The following TBC1D20 variants were observed in gnomAD, a reference collection of about 807,000 sequenced individuals.
The protein encoded by TBC1D20 is chromosome 20 open reading frame 140.
Under a neutral mutation model 41.6 loss-of-function variants are expected in TBC1D20, and 12 were observed. That is an observed-to-expected ratio of 0.29 (90% CI 0.18 to 0.47). The LOEUF (loss-of-function observed/expected upper bound fraction) is 0.47, where lower values mean the gene tolerates loss of function less well. Ranked by LOEUF, TBC1D20 falls within the 20% of genes least tolerant of loss-of-function variation. TBC1D20 has a pLI of 1.00. For synonymous variants in TBC1D20, 205 were observed against 204.8 expected, an observed-to-expected ratio of 1.00 and a Z score of -0.01; for missense variants, 421 against 517.4, an observed-to-expected ratio of 0.81 and a Z score of 1.81.
chr20:443,374 G>A (rs1309829557), intron 3 of TBC1D20, among the ~76,000 whole-genome samples: 1 of 152,182 alleles, frequency 6.6e-6, no homozygotes, highest in Non-Finnish European at 1.5e-5. Flanking sequence ...TGGAGCTAGT[G>A]CTGCCAGCAG....
At chr20:451,955 TTTTTAAA>T (rs2017449920) in intron 1 of TBC1D20, among the ~76,000 whole-genome samples, 1 of 152,246 alleles carries the variant, frequency 6.6e-6, no homozygotes, top group South Asian at 2.1e-4. Flanking sequence ...TTCCTGTTCA[TTTTTAAA>T]TTTTATTTTT....
In TBC1D20 at chr20:437,212, ACCCTG is replaced by A. The variant is rs2017136511; in HGVS notation, c.*1369_*1373del. 1.3e-5 allele frequency: 2 copies of A among 152,652 alleles called. No individual in the cohort carries two copies. Among genetic ancestry groups the A allele is most frequent in the South Asian group, 4.1e-4 (2 of 4,826 alleles). 9.5% of individuals were successfully genotyped at this position (152,652 alleles called of 1,614,324 possible). ...TGCTCTGGCACGTGGGACACCCTCC[ACCCTG>A]CACACAACAGGCATGCAAAGAGGAC... On this transcript the variant is annotated 3_prime_UTR_variant, in exon 8 of 8. Transcript: ENST00000354200.
chr20:462,467 G>C lies in TBC1D20; in HGVS notation c.-62C>G, dbSNP rs1199124489. 2 of 1,024,220 alleles carry C rather than the reference G, an allele frequency of 2.0e-6. No homozygotes were observed. The highest frequency in any genetic ancestry group is 9.1e-5 in the East Asian group (2 of 22,010). 63.4% of individuals were successfully genotyped at this position (1,024,220 alleles called of 1,614,324 possible). A position where few individuals can be genotyped will look rare whatever the true frequency, so the allele number is the denominator to read the frequency against. ...GGTGGCGGAGCCGGGAGAAGACGCG[G>C]CTCCGACCGCGGGACGTAGCACCCG... On this transcript the variant is annotated 5_prime_UTR_variant, in exon 1 of 8. Coordinates refer to ENST00000354200, the MANE Select transcript of TBC1D20 (RefSeq NM_144628.4).
At chr20:441,202 G>C in intron 5 of TBC1D20, 1 of 172,708 alleles carries the variant, frequency 5.8e-6, no homozygotes, top group Non-Finnish European at 1.2e-5. Context: ...CATGGGATTT[G>C]CAAAAAAATA....
intron 2 of TBC1D20, among the ~76,000 whole-genome samples, chr20:446,528 AT>A (rs1301738818): frequency 1.3e-5 from 2 of 152,012 alleles, no homozygotes; most frequent in African/African-American, 2.4e-5. Context: ...TTTAGTAGAG[AT>A]GGGGTTTCAC....
intron 1 of TBC1D20, among the ~76,000 whole-genome samples, chr20:455,969 A>G (rs1284562247): frequency 6.6e-6 from 1 of 150,884 alleles, no homozygotes; most frequent in Non-Finnish European, 1.5e-5. Context: ...AATATAATAA[A>G]ATAAAAACCA....
rs555485410 is a variant in TBC1D20 at position 453,640 on chromosome 20, G to C, written c.71-5566C>G. Among the ~76,000 whole-genome samples, 5 of 131,574 alleles carry C rather than the reference G, an allele frequency of 3.8e-5. No individual in the cohort carries two copies. In the East Asian group the frequency reaches 8.8e-4, roughly 23 times the overall value. The allele number at this position is 131,574 out of a possible 152,430, so 86.3% of individuals were successfully genotyped here. A position where few individuals can be genotyped will look rare whatever the true frequency, so the allele number is the denominator to read the frequency against. On this transcript the variant is annotated intron_variant, in intron 1 of 7. Transcript: ENST00000354200. ...GGCTTACTGCAACCTCCACCTCCCA[G>C]GTTCAAGTGATTCTCCTGCCTCAGT...
intron 2 of TBC1D20, among the ~76,000 whole-genome samples, chr20:445,380 A>G (rs1443620860): frequency 6.6e-6 from 1 of 152,202 alleles, no homozygotes; most frequent in Non-Finnish European, 1.5e-5. Flanking sequence ...CAGGGTGGGA[A>G]GGAGAGCAAA....
intron 1 of TBC1D20, among the ~76,000 whole-genome samples, chr20:449,040 G>A (rs368741367): frequency 8.7e-5 from 13 of 149,994 alleles, no homozygotes; most frequent in South Asian, 6.3e-4. Context: ...CAGAGATAGC[G>A]TTCACAACGT....
chr20:456,353 AT>A, intron 1 of TBC1D20, among the ~76,000 whole-genome samples: 1 of 152,046 alleles, frequency 6.6e-6, no homozygotes, highest in Non-Finnish European at 1.5e-5. Flanking sequence ...CCATTCATCC[AT>A]TCATCCATTC....
At position 438,452 on chromosome 20, in the gene TBC1D20, C is replaced by T. The variant is rs939662400; in HGVS notation, c.*134G>A. On this transcript the variant is annotated 3_prime_UTR_variant, in exon 8 of 8. Coordinates refer to ENST00000354200, the MANE Select transcript of TBC1D20 (RefSeq NM_144628.4). ...CCTCTGAAGTAAAGGCAAACACAAA[C>T]GGGCAGGGCAGGGTGGCAGGAATAA... 16 of 1,073,944 alleles carry T rather than the reference C, an allele frequency of 1.5e-5. No individual in the cohort carries two copies. The highest frequency in any genetic ancestry group is 4.8e-5 in the East Asian group (2 of 41,938). The allele number at this position is 1,073,944 out of a possible 1,614,324, so 66.5% of individuals were successfully genotyped here.
At chr20:462,305 C>T in intron 1 of TBC1D20, 31 bp downstream of exon 1, 1 of 1,269,410 alleles carries the variant, frequency 7.9e-7, no homozygotes. Flanking sequence ...CCCTCGCAGG[C>T]CGCTCCCGGC....
intron 2 of TBC1D20, among the ~76,000 whole-genome samples, chr20:446,689 T>C (rs568424473): frequency 3.3e-5 from 5 of 152,118 alleles, no homozygotes; most frequent in African/African-American, 7.2e-5. Context: ...CTTTTAGAGA[T>C]TGGATCTTGC....
chr20:438,476 A>T lies in TBC1D20; in HGVS notation c.*110T>A. The T allele has an allele frequency of 7.4e-7, 1 of 1,347,436 alleles. No homozygotes were observed. Among genetic ancestry groups the T allele is most frequent in the Non-Finnish European group, 1.0e-6 (1 of 987,786 alleles). 83.5% of individuals were successfully genotyped at this position (1,347,436 alleles called of 1,614,324 possible). A position where few individuals can be genotyped will look rare whatever the true frequency, so the allele number is the denominator to read the frequency against. ...ACGGGCAGGGCAGGGTGGCAGGAAT[A>T]AAAAACTCTGGACAGAAACCCTTTT... On this transcript the variant is annotated 3_prime_UTR_variant, in exon 8 of 8. Coordinates refer to ENST00000354200, the MANE Select transcript of TBC1D20 (RefSeq NM_144628.4).
intron 1 of TBC1D20, among the ~76,000 whole-genome samples, chr20:451,963 TTTTA>T (rs1256615588): frequency 6.6e-6 from 1 of 152,216 alleles, no homozygotes. Flanking sequence ...CATTTTTAAA[TTTTA>T]TTTTTCTTTC....
At chr20:443,676 C>T (rs186538626) in intron 3 of TBC1D20, among the ~76,000 whole-genome samples, 121 of 152,206 alleles carry the variant, frequency 7.9e-4, no homozygotes, top group African/African-American at 2.3e-3. Context: ...AAAAATTAAA[C>T]CCTGTGTGAA....
At chr20:447,064 G>A (rs1289014641) in intron 2 of TBC1D20, among the ~76,000 whole-genome samples, 1 of 145,938 alleles carries the variant, frequency 6.9e-6, no homozygotes, top group Non-Finnish European at 1.5e-5. Context: ...ATTCTCTGCT[G>A]CAGCCTCCTG....
chr20:455,193 C>T (rs1266933933), intron 1 of TBC1D20, among the ~76,000 whole-genome samples: 1 of 152,152 alleles, frequency 6.6e-6, no homozygotes, highest in Non-Finnish European at 1.5e-5. Flanking sequence ...ACCATTTGTC[C>T]TCATCTGTCT....
intron 1 of TBC1D20, among the ~76,000 whole-genome samples, chr20:452,921 G>A (rs139229780): frequency 2.0e-4 from 30 of 152,104 alleles, no homozygotes; most frequent in South Asian, 4.1e-4. Flanking sequence ...AGGCCGAGGC[G>A]GGCAGACCAC....
Sources: allele counts gnomAD v4.1 joint callset (sites outside exome capture counted in the v4.1 genomes callset), GRCh38; gene constraint gnomAD v4.1.1; transcripts MANE v1.5; gene names NCBI Gene and HGNC (gene_info 2026-07-23, HGNC 2026-07-21).